The following GNA14 variants were observed in gnomAD, a reference collection of about 807,000 sequenced individuals.
The protein encoded by GNA14 is guanine nucleotide-binding protein subunit alpha-14.
A neutral mutation model predicts 42.0 loss-of-function variants in GNA14; 50 were observed. The observed-to-expected ratio is 1.19, with a 90% CI of 0.95 to 1.51. The LOEUF is 1.51. Ranked by LOEUF, GNA14 falls within the 40% of genes most tolerant of loss-of-function variation. The probability of loss-of-function intolerance (pLI) is 0.00; values close to 1 mark genes in which losing one functional copy is unlikely to be tolerated. For missense variants in GNA14, 473 were observed against 446.2 expected, an observed-to-expected ratio of 1.06 and a Z score of -0.54; for synonymous variants, 173 against 163.1, an observed-to-expected ratio of 1.06 and a Z score of -0.46.
Position 77,464,351 on chromosome 9 carries a change from A to ATGTG in GNA14, c.310-29833_310-29830dup, listed in dbSNP as rs35743834. On this transcript the variant is annotated intron_variant, in intron 2 of 6. Transcript: ENST00000341700. ...TATATATGTGTGTGTGTGTGTGTAT[A>ATGTG]TGTGTGTGTGTGTGTGTGTGTGTGT... 4.1e-3 allele frequency among the ~76,000 whole-genome samples: 593 copies of ATGTG among 144,794 alleles called. 4 individuals carry two copies. The highest frequency in any genetic ancestry group is 7.0e-3 in the Middle Eastern group (2 of 284). 95.0% of individuals were successfully genotyped at this position (144,794 alleles called of 152,430 possible). A position where few individuals can be genotyped will look rare whatever the true frequency, so the allele number is the denominator to read the frequency against.
intron 2 of GNA14, among the ~76,000 whole-genome samples, chr9:77,465,243 G>A (rs1175071338): frequency 1.3e-5 from 2 of 152,168 alleles, no homozygotes; most frequent in Non-Finnish European, 2.9e-5. Context: ...GCCTATTCTG[G>A]ATGTTTTCTA....
chr9:77,601,672 T>G (rs1368603814), intron 1 of GNA14, among the ~76,000 whole-genome samples: 2 of 152,234 alleles, frequency 1.3e-5, no homozygotes, highest in African/African-American at 4.8e-5. Flanking sequence ...CATTAAACCC[T>G]CGTAGCTCAC....
At chr9:77,613,477 C>A (rs531763792) in intron 1 of GNA14, among the ~76,000 whole-genome samples, 2 of 152,250 alleles carry the variant, frequency 1.3e-5, no homozygotes, top group South Asian at 2.1e-4. Context: ...CGGCATGGTG[C>A]CTATAACTAA....
At chr9:77,449,183 A>AGGTAACCCAGGTACCTAGACCT (rs1835868381) in intron 2 of GNA14, among the ~76,000 whole-genome samples, 1 of 152,254 alleles carries the variant, frequency 6.6e-6, no homozygotes, top group Non-Finnish European at 1.5e-5. Flanking sequence ...TAGGAGCAAT[A>AGGTAACCCAGGTACCTAGACCT]GGTAACCCAG....
chr9:77,507,052 C>T lies in GNA14; in HGVS notation c.309+22017G>A, dbSNP rs1164597945. The stretch of plus-strand genomic sequence containing the variant: ...GGATAAAGAACATAGCAGATTTTAT[C>T]CACATTTCCCAGTTGAAAGTAAGTT... On this transcript the variant is annotated intron_variant, in intron 2 of 6. Coordinates refer to ENST00000341700, the MANE Select transcript of GNA14 (RefSeq NM_004297.4). Among the ~76,000 whole-genome samples the T allele has an allele frequency of 7.9e-5, 12 of 152,158 alleles. No individual in the cohort carries two copies. In the East Asian group the frequency reaches 2.3e-3, roughly 29 times the overall value.
chr9:77,561,713 T>G (rs1343347785), intron 1 of GNA14, among the ~76,000 whole-genome samples: 2 of 152,210 alleles, frequency 1.3e-5, no homozygotes, highest in Non-Finnish European at 2.9e-5. Context: ...TAGTGATGGT[T>G]TCACAACACT....
At chr9:77,575,981 C>T (rs1365440485) in intron 1 of GNA14, among the ~76,000 whole-genome samples, 2 of 152,296 alleles carry the variant, frequency 1.3e-5, no homozygotes, top group South Asian at 2.1e-4. Flanking sequence ...GAAGCTGCAC[C>T]GCTGGTGCTA....
At chr9:77,486,188 T>C (rs924148487) in intron 2 of GNA14, among the ~76,000 whole-genome samples, 2 of 152,232 alleles carry the variant, frequency 1.3e-5, no homozygotes, top group African/African-American at 4.8e-5. Flanking sequence ...TTGCTGCAGC[T>C]TCTCCATCAG....
intron 1 of GNA14, among the ~76,000 whole-genome samples, chr9:77,604,426 G>A (rs1289561379): frequency 1.3e-5 from 2 of 152,150 alleles, no homozygotes; most frequent in Non-Finnish European, 2.9e-5. Context: ...GAGTAGGGTG[G>A]GATTCAGTGT....
At position 77,464,316 on chromosome 9, in the gene GNA14, AGTGTGTGTATATATATGTGT is replaced by A. The variant is rs1472630825; in HGVS notation, c.310-29814_310-29795del. The stretch of plus-strand genomic sequence containing the variant: ...ATGCCCGGCCATGTGTGTATGTGAG[AGTGTGTGTATATATATGTGT>A]GTGTGTGTGTGTATATGTGTGTGTG... On this transcript the variant is annotated intron_variant, in intron 2 of 6. Coordinates refer to ENST00000341700, the MANE Select transcript of GNA14 (RefSeq NM_004297.4). Among the ~76,000 whole-genome samples the A allele has an allele frequency of 2.7e-5, 4 of 147,846 alleles. No individual in the cohort carries two copies. The East Asian group carries it at 6.0e-4, about 22-fold the overall frequency.
chr9:77,616,890 G>A (rs1191244322), intron 1 of GNA14, among the ~76,000 whole-genome samples: 1 of 151,374 alleles, frequency 6.6e-6, no homozygotes, highest in Non-Finnish European at 1.5e-5. Flanking sequence ...TTATTTTTGA[G>A]GCAGAGTCTC....
intron 2 of GNA14, among the ~76,000 whole-genome samples, chr9:77,457,471 G>A (rs953480086): frequency 3.9e-5 from 6 of 152,168 alleles, no homozygotes; most frequent in South Asian, 4.1e-4. Flanking sequence ...GTGTATGCCC[G>A]TAAGCTTTCC....
At chr9:77,458,591 C>T (rs1587773252) in intron 2 of GNA14, among the ~76,000 whole-genome samples, 1 of 152,094 alleles carries the variant, frequency 6.6e-6, no homozygotes, top group Non-Finnish European at 1.5e-5. Context: ...ACAACAAACG[C>T]TTTTTTAGTA....
intron 1 of GNA14, among the ~76,000 whole-genome samples, chr9:77,586,164 A>C (rs1352616934): frequency 6.6e-6 from 1 of 152,152 alleles, no homozygotes; most frequent in Admixed American, 6.5e-5. Context: ...ACCCCAGAGC[A>C]TCCTTCCCAC....
At chr9:77,593,226 T>C (rs968523942) in intron 1 of GNA14, among the ~76,000 whole-genome samples, 1 of 152,166 alleles carries the variant, frequency 6.6e-6, no homozygotes, top group African/African-American at 2.4e-5. Flanking sequence ...GTTATTCCCT[T>C]AGAATCACAC....
rs754306577 is a variant in GNA14 at position 77,647,673 on chromosome 9, G to A, written c.121C>T (p.Leu41=). 2 of 1,607,254 alleles carry A rather than the reference G, an allele frequency of 1.2e-6. No homozygotes were observed. Among genetic ancestry groups the A allele is most frequent in the Non-Finnish European group, 1.7e-6 (2 of 1,177,120 alleles). Residue 41 remains leucine (L), a synonymous_variant, in exon 1 of 7, where the codon CTG becomes TTG. Transcript: ENST00000341700. ...AGTCGGAGACGCAGCCACTCACCCA[G>A]CAGCAGCAGCTTAAGCTCACGGCGC... ...DARRELKLLL[L]GTGESGKSTF... is the part of the protein sequence containing the mutation.
intron 1 of GNA14, among the ~76,000 whole-genome samples, chr9:77,630,779 T>C (rs1310204369): frequency 2.0e-5 from 3 of 152,184 alleles, no homozygotes; most frequent in Non-Finnish European, 4.4e-5. Flanking sequence ...CAAATGTCTC[T>C]TTGCACACAG....
chr9:77,434,260 C>T, intron 3 of GNA14, 108 bp downstream of exon 3: 1 of 1,010,642 alleles, frequency 9.9e-7, no homozygotes, highest in Non-Finnish European at 1.5e-6. Flanking sequence ...GCAAGTAGCG[C>T]TGCCACTGTG....
chr9:77,498,095 C>T (rs1049332387), intron 2 of GNA14, among the ~76,000 whole-genome samples: 2 of 152,100 alleles, frequency 1.3e-5, no homozygotes, highest in African/African-American at 2.4e-5. Context: ...CAAGCTGTGT[C>T]GGGCTCAGTG....
Sources: gnomAD v4.1 joint callset for allele counts (sites outside exome capture counted in the v4.1 genomes callset) on GRCh38, gnomAD v4.1.1 for gene constraint, MANE v1.5 for transcripts, NCBI Gene and HGNC (gene_info 2026-07-23, HGNC 2026-07-21) for gene names.